Variants in ITGBL1 observed in about 807,000 individuals in gnomAD.
ITGBL1 encodes integrin subunit beta like 1.
ITGBL1 carries 51 observed loss-of-function variants against 68.5 expected under a neutral mutation model. The ratio of observed to expected loss-of-function variants is 0.74; its 90% CI spans 0.59 to 0.94. ITGBL1 has a LOEUF of 0.94. ITGBL1 is among the 40% of genes least tolerant of loss of function. ITGBL1 has a pLI of 0.00. For missense variants in ITGBL1, 649 were observed against 647.4 expected (o/e 1.00, Z -0.03); for synonymous variants, 209 against 227.3 (o/e 0.92, Z 0.72).
chr13:101,604,769 G>A (rs1472249622), intron 7 of ITGBL1, among the ~76,000 whole-genome samples: 1 of 143,468 alleles, frequency 7.0e-6, no homozygotes, highest in Non-Finnish European at 1.5e-5. Context: ...AATCCTGACA[G>A]CCGCCATCAC....
intron 2 of ITGBL1, among the ~76,000 whole-genome samples, chr13:101,536,228 C>T (rs2049574007): frequency 6.6e-6 from 1 of 151,842 alleles, no homozygotes; most frequent in African/African-American, 2.4e-5. Context: ...CTTCTAAAAA[C>T]AGTATTTGTA....
At chr13:101,709,782 C>T (rs770230382) in intron 9 of ITGBL1, among the ~76,000 whole-genome samples, 4 of 152,186 alleles carry the variant, frequency 2.6e-5, no homozygotes, top group African/African-American at 4.8e-5. Context: ...TTTCCATAAG[C>T]GGGTCTTCCC....
At chr13:101,477,591 T>TA (rs1349523649) in intron 2 of ITGBL1, among the ~76,000 whole-genome samples, 2 of 151,574 alleles carry the variant, frequency 1.3e-5, no homozygotes, top group Admixed American at 1.3e-4. Flanking sequence ...TTAGCCAGAC[T>TA]AAAAAAGAAG....
intron 7 of ITGBL1, among the ~76,000 whole-genome samples, chr13:101,601,231 T>C (rs1434665751): frequency 1.3e-5 from 2 of 152,218 alleles, no homozygotes; most frequent in African/African-American, 4.8e-5. Flanking sequence ...GTAGAGGTGT[T>C]TATAGTATTC....
chr13:101,678,318 T>A (rs1319251889), intron 7 of ITGBL1, among the ~76,000 whole-genome samples: 1 of 152,222 alleles, frequency 6.6e-6, no homozygotes, highest in African/African-American at 2.4e-5. Flanking sequence ...TGTTGTTTTA[T>A]GGTGAATTTT....
chr13:101,712,813 G>A (rs2034535887), intron 9 of ITGBL1: 1 of 152,086 alleles, frequency 6.6e-6, no homozygotes, highest in African/African-American at 2.4e-5. Context: ...TTCAAAATTA[G>A]GATAAAGAAA....
chr13:101,540,955 T>C (rs9554798), intron 2 of ITGBL1, among the ~76,000 whole-genome samples: 77,213 of 101,044 alleles, frequency 0.76, 30,499 homozygotes, highest in African/African-American at 0.87. Flanking sequence ...AGATTTTGGG[T>C]TGAGACAATG....
intron 2 of ITGBL1, among the ~76,000 whole-genome samples, chr13:101,531,559 T>C (rs2049475678): frequency 6.8e-6 from 1 of 147,376 alleles, no homozygotes; most frequent in South Asian, 2.2e-4. Flanking sequence ...AAAACAGGGG[T>C]AGTTGGTTTC....
At chr13:101,508,287 A>G (rs1216954058) in intron 2 of ITGBL1, among the ~76,000 whole-genome samples, 1 of 152,190 alleles carries the variant, frequency 6.6e-6, no homozygotes, top group Admixed American at 6.6e-5. Flanking sequence ...TTGTAATACG[A>G]TCAATTCACC....
intron 2 of ITGBL1, among the ~76,000 whole-genome samples, chr13:101,557,812 C>T (rs540727427): frequency 4.9e-4 from 74 of 152,006 alleles, no homozygotes; most frequent in Non-Finnish European, 5.4e-4. Flanking sequence ...CATGAGGGGC[C>T]GGGCACGGTG....
At chr13:101,555,784 G>A (rs973139653) in intron 2 of ITGBL1, among the ~76,000 whole-genome samples, 3 of 152,206 alleles carry the variant, frequency 2.0e-5, no homozygotes, top group Non-Finnish European at 4.4e-5. Flanking sequence ...TCATCTGTTA[G>A]TAGGTTTGTC....
intron 7 of ITGBL1, among the ~76,000 whole-genome samples, chr13:101,684,556 T>A (rs184685986): frequency 9.9e-5 from 15 of 152,130 alleles, no homozygotes; most frequent in African/African-American, 2.6e-4. Flanking sequence ...TTTGTATATA[T>A]GTTTGCTATA....
chr13:101,532,260 C>G (rs2049496473), intron 2 of ITGBL1, among the ~76,000 whole-genome samples: 1 of 152,086 alleles, frequency 6.6e-6, no homozygotes, highest in African/African-American at 2.4e-5. Context: ...CTCTCCTTAT[C>G]CAAGAAGGCA....
At chr13:101,659,409 C>CA (rs1229798438) in intron 7 of ITGBL1, among the ~76,000 whole-genome samples, 1 of 152,018 alleles carries the variant, frequency 6.6e-6, no homozygotes, top group East Asian at 1.9e-4. Context: ...ATCGTTCTCC[C>CA]AGTAGCCTTT....
At chr13:101,528,793 A>G (rs900665660) in intron 2 of ITGBL1, among the ~76,000 whole-genome samples, 11 of 151,996 alleles carry the variant, frequency 7.2e-5, no homozygotes, top group Admixed American at 2.0e-4. Flanking sequence ...TGGATCAAGT[A>G]ATTTTCTATA....
At chr13:101,668,362 T>G (rs983068757) in intron 7 of ITGBL1, among the ~76,000 whole-genome samples, 2 of 152,170 alleles carry the variant, frequency 1.3e-5, no homozygotes, top group Non-Finnish European at 2.9e-5. Context: ...CACTCTAGCC[T>G]GGGTGAAAGA....
At chr13:101,653,186 G>C (rs570498064) in intron 7 of ITGBL1, among the ~76,000 whole-genome samples, 29 of 151,508 alleles carry the variant, frequency 1.9e-4, no homozygotes, top group Non-Finnish European at 3.1e-4. Context: ...AGAAGAGGAG[G>C]AGGAGGAGGA....
At chr13:101,513,906 T>G (rs2049154702) in intron 2 of ITGBL1, among the ~76,000 whole-genome samples, 1 of 152,142 alleles carries the variant, frequency 6.6e-6, no homozygotes, top group African/African-American at 2.4e-5. Flanking sequence ...TATAATTATT[T>G]TTATTTTTCT....
chr13:101,686,199 AACC>A (rs2033750940), intron 7 of ITGBL1, among the ~76,000 whole-genome samples: 1 of 152,026 alleles, frequency 6.6e-6, no homozygotes, highest in East Asian at 1.9e-4. Flanking sequence ...TCCTCCCGGC[AACC>A]ACCACCACCA....
Sources: gnomAD v4.1 joint callset for allele counts (sites outside exome capture counted in the v4.1 genomes callset) on GRCh38, gnomAD v4.1.1 for gene constraint, MANE v1.5 for transcripts, NCBI Gene and HGNC (gene_info 2026-07-23, HGNC 2026-07-21) for gene names.